The following ADGRB1 variants were observed in gnomAD, a reference collection of about 807,000 sequenced individuals.
The protein encoded by ADGRB1 is adhesion G protein-coupled receptor B1, also known as brain-specific angiogenesis inhibitor 1.
Under a neutral mutation model 175.7 loss-of-function variants are expected in ADGRB1, and 36 were observed. The observed-to-expected ratio is 0.20, with a 90% CI of 0.16 to 0.27. The LOEUF is 0.27. Ranked by LOEUF, ADGRB1 falls within the 10% of genes least tolerant of loss-of-function variation. The pLI is 1.00. For missense variants in ADGRB1, 1,731 were observed against 2,255.3 expected, an observed-to-expected ratio of 0.77 and a Z score of 4.71; for synonymous variants, 1,054 against 979.4, an observed-to-expected ratio of 1.08 and a Z score of -1.42.
At chr8:142,508,572 G>T (rs2132024047) in intron 17 of ADGRB1, among the ~76,000 whole-genome samples, 1 of 152,330 alleles carries the variant, frequency 6.6e-6, no homozygotes, top group African/African-American at 2.4e-5. Context: ...GGGTCTCTCT[G>T]CCCCAGGTCT....
chr8:142,533,218 TGGAGATGCAGGGTTCAG>T, intron 24 of ADGRB1, 60 bp from the exon 25 acceptor site: 1 of 1,370,632 alleles, frequency 7.3e-7, no homozygotes. Flanking sequence ...CACCGAGGCC[TGGAGATGCAGGGTTCAG>T]GGCAGGGTGT....
At chr8:142,516,366 G>A (rs568629529) in intron 18 of ADGRB1, among the ~76,000 whole-genome samples, 45 of 147,676 alleles carry the variant, frequency 3.0e-4, no homozygotes, top group Middle Eastern at 7.1e-3. Flanking sequence ...GCGTGTGTGC[G>A]GGCCCCAGGT....
At position 142,518,037 on chromosome 8, in the gene ADGRB1, G is replaced by A. The variant is rs1472147054; in HGVS notation, c.2818-101G>A. 4.5e-6 allele frequency: 5 copies of A among 1,110,974 alleles called. No individual in the cohort carries two copies. The East Asian group carries it at 9.9e-5, about 22-fold the overall frequency. 68.8% of individuals were successfully genotyped at this position (1,110,974 alleles called of 1,614,324 possible). A position where few individuals can be genotyped will look rare whatever the true frequency, so the allele number is the denominator to read the frequency against. On this transcript the variant is annotated intron_variant, in intron 18 of 30. Transcript: ENST00000517894. ...GGAGGGGCTGGGCCAAACGCTGGGG[G>A]TGTGACCCGGGGCTGCGGGCTCTCG...
chr8:142,541,585 G>T lies in ADGRB1; in HGVS notation c.3707-356G>T, dbSNP rs554460234. Among the ~76,000 whole-genome samples, 8 of 152,338 alleles carry T rather than the reference G, an allele frequency of 5.3e-5. No individual in the cohort carries two copies. The South Asian group carries it at 1.7e-3, about 32-fold the overall frequency. ...CTGGGCTCTGCCACCAGCACAGACC[G>T]TTCTGCCTGTGTCCCTGTGCTTCCG... is the stretch of plus-strand genomic sequence containing the variant. On this transcript the variant is annotated intron_variant, in intron 27 of 30. Coordinates refer to ENST00000517894, the MANE Select transcript of ADGRB1 (RefSeq NM_001702.3).
chr8:142,517,623 G>A (rs573273321), intron 18 of ADGRB1, among the ~76,000 whole-genome samples: 3 of 152,132 alleles, frequency 2.0e-5, no homozygotes, highest in African/African-American at 4.8e-5. Flanking sequence ...GAAGCTGGTC[G>A]GGATGTGTCC....
At position 142,544,217 on chromosome 8, in the gene ADGRB1, C is replaced by A; in HGVS notation, c.4558-3C>A. On this transcript the variant is annotated splice_polypyrimidine_tract_variant and splice_region_variant and intron_variant, in intron 30 of 30. Transcript: ENST00000517894. ...CCCTCCTGCACCACGGGCCACCCAG[C>A]AGCCGGAAAAGCAGCAGACGCCCAA... is the stretch of plus-strand genomic sequence containing the variant. 6.5e-7 allele frequency: 1 copy of A among 1,548,538 alleles called. No individual in the cohort carries two copies. The highest frequency in any genetic ancestry group is 2.0e-5 in the Admixed American group (1 of 50,946).
intron 1 of ADGRB1, among the ~76,000 whole-genome samples, chr8:142,450,375 G>A (rs1426879304): frequency 6.6e-6 from 1 of 151,886 alleles, no homozygotes; most frequent in Non-Finnish European, 1.5e-5. Context: ...CCTGGACGCA[G>A]GAGAGGCTCC....
At chr8:142,500,849 C>T (rs1336123692) in intron 17 of ADGRB1, among the ~76,000 whole-genome samples, 1 of 152,084 alleles carries the variant, frequency 6.6e-6, no homozygotes, top group African/African-American at 2.4e-5. Flanking sequence ...TGGAGGTCAC[C>T]AGAGATGACT....
intron 16 of ADGRB1, 138 bp downstream of exon 16, chr8:142,489,576 T>C: frequency 1.0e-6 from 1 of 962,416 alleles, no homozygotes; most frequent in Non-Finnish European, 1.6e-6. Context: ...ATCCCTGGAT[T>C]ACAGGTGGGG....
chr8:142,518,007 G>A lies in ADGRB1; in HGVS notation c.2818-131G>A, dbSNP rs1587394308. ...TCGTCTGCAGGGGGCGGGTGGGGAG[G>A]TGGAGGAGGGGCTGGGCCAAACGCT... is the stretch of plus-strand genomic sequence containing the variant. On this transcript the variant is annotated intron_variant, in intron 18 of 30. Transcript: ENST00000517894. 4.3e-5 allele frequency: 32 copies of A among 738,406 alleles called. No individual in the cohort carries two copies. In the East Asian group the frequency reaches 7.8e-4, roughly 18 times the overall value. 45.7% of individuals were successfully genotyped at this position (738,406 alleles called of 1,614,324 possible).
Position 142,511,155 on chromosome 8 carries a change from GGCCCGCAC to G in ADGRB1, c.2817+83_2817+90del. ...TGCCGGCGGGCCTGCGGGTGGGGAG[GGCCCGCAC>G]CCGTCCTGTCCCGGAGGGGTCGCTG... On this transcript the variant is annotated intron_variant, in intron 18 of 30. Transcript: ENST00000517894. This position sits in a 1 kb window ranked among gnomAD's most constrained non-coding sequence, Gnocchi z 4.5. 2.0e-6 allele frequency: 2 copies of G among 984,332 alleles called. No individual in the cohort carries two copies. Among genetic ancestry groups the G allele is most frequent in the Non-Finnish European group, 2.4e-6 (2 of 818,444 alleles). 61.0% of individuals were successfully genotyped at this position (984,332 alleles called of 1,614,324 possible). A position where few individuals can be genotyped will look rare whatever the true frequency, so the allele number is the denominator to read the frequency against.
intron 2 of ADGRB1, among the ~76,000 whole-genome samples, chr8:142,472,813 A>G (rs1182494594): frequency 6.6e-6 from 1 of 152,158 alleles, no homozygotes; most frequent in African/African-American, 2.4e-5. Context: ...ATATGTGACC[A>G]GGGTCAGGAA....
chr8:142,456,210 C>A (rs1345172312), intron 1 of ADGRB1, among the ~76,000 whole-genome samples: 1 of 152,152 alleles, frequency 6.6e-6, no homozygotes, highest in Non-Finnish European at 1.5e-5. Context: ...CTCCAGAAAG[C>A]CTTCCTCTCC....
intron 2 of ADGRB1, among the ~76,000 whole-genome samples, chr8:142,471,838 C>T (rs1301897728): frequency 6.6e-6 from 1 of 152,218 alleles, no homozygotes; most frequent in Non-Finnish European, 1.5e-5. Context: ...CTAAGTCAGG[C>T]CACCAGGCGC....
chr8:142,529,552 CTATG>C (rs765781313), intron 24 of ADGRB1, among the ~76,000 whole-genome samples: 2 of 151,768 alleles, frequency 1.3e-5, no homozygotes, highest in Non-Finnish European at 2.9e-5. Flanking sequence ...AAGCATGCAT[CTATG>C]TGTGTGAGTG....
chr8:142,543,737 G>A lies in ADGRB1; in HGVS notation c.4557+29G>A, dbSNP rs765870334. 11 of 1,516,910 alleles carry A rather than the reference G, an allele frequency of 7.3e-6. No homozygotes were observed. Among genetic ancestry groups the A allele is most frequent in the Non-Finnish European group, 9.9e-6 (11 of 1,116,554 alleles). 94.0% of individuals were successfully genotyped at this position (1,516,910 alleles called of 1,614,324 possible). On this transcript the variant is annotated intron_variant, in intron 30 of 30. Transcript: ENST00000517894. The surrounding 1 kb of genome is among the most constrained non-coding windows in gnomAD (Gnocchi z 4.4). Reference sequence around the variant, plus strand: ...TGGAGGGCAGGGAGGGGCGGGGTGGGGAGAGCCCTTAGGTCAGGCCACCGT... The same window carrying A: ...TGGAGGGCAGGGAGGGGCGGGGTGGAGAGAGCCCTTAGGTCAGGCCACCGT...
rs1225534366 is a variant in ADGRB1 at position 142,493,827 on chromosome 8, C to T, written c.2675+3012C>T. ...CCTCGGTCCCCTTCCTTCTGCCCCTCACCTCCCCTCCACTCTGAGTTGGAT... is the reference window on the plus strand; with the variant it reads ...CCTCGGTCCCCTTCCTTCTGCCCCTTACCTCCCCTCCACTCTGAGTTGGAT... On this transcript the variant is annotated intron_variant, in intron 17 of 30. Coordinates refer to ENST00000517894, the MANE Select transcript of ADGRB1 (RefSeq NM_001702.3). This position sits in a 1 kb window ranked among gnomAD's most constrained non-coding sequence, Gnocchi z 5.0. Among the ~76,000 whole-genome samples, 2 of 152,216 alleles carry T rather than the reference C, an allele frequency of 1.3e-5. No homozygotes were observed. Among genetic ancestry groups the T allele is most frequent in the African/African-American group, 2.4e-5 (1 of 41,462 alleles).
At chr8:142,456,720 TCCTC>T (rs371436403) in intron 1 of ADGRB1, among the ~76,000 whole-genome samples, 6 of 152,334 alleles carry the variant, frequency 3.9e-5, no homozygotes, top group African/African-American at 1.4e-4. Context: ...CTGCAGCTGT[TCCTC>T]CCCACTGCCA....
chr8:142,528,611 C>T (rs1420095361), intron 24 of ADGRB1, among the ~76,000 whole-genome samples: 4 of 151,964 alleles, frequency 2.6e-5, no homozygotes, highest in Admixed American at 2.0e-4. Flanking sequence ...TCTCTGCCGC[C>T]GATGCCACCT....
Sources: gnomAD v4.1 joint callset for allele counts (sites outside exome capture counted in the v4.1 genomes callset) on GRCh38, gnomAD v4.1.1 for gene constraint, Gnocchi (gnomAD v3.1) non-coding constraint, MANE v1.5 for transcripts, NCBI Gene and HGNC (gene_info 2026-07-23, HGNC 2026-07-21) for gene names.